CDK13: variants seen among roughly 807,000 people sequenced by gnomAD.
CDK13 encodes cyclin-dependent kinase 13.
A neutral mutation model predicts 137.6 loss-of-function variants in CDK13; 40 were observed. The ratio of observed to expected loss-of-function variants is 0.29; its 90% CI spans 0.23 to 0.38. CDK13 has a LOEUF of 0.38. Ranked by LOEUF, CDK13 falls within the 10% of genes least tolerant of loss-of-function variation. The probability of loss-of-function intolerance (pLI) is 1.00; values close to 1 mark genes in which losing one functional copy is unlikely to be tolerated. For synonymous variants in CDK13, 869 were observed against 760.1 expected (o/e 1.14, Z -2.36); for missense variants, 1,704 against 1,951.8 (o/e 0.87, Z 2.39).
intron 13 of CDK13, 145 bp from the exon 14 acceptor site, chr7:40,093,984 TA>T: frequency 1.2e-6 from 1 of 865,562 alleles, no homozygotes; most frequent in Non-Finnish European, 1.7e-6. Context: ...ATAGTACTTG[TA>T]AACTTTTTGC....
At chr7:40,038,757 A>G (rs956416311) in intron 5 of CDK13, among the ~76,000 whole-genome samples, 2 of 151,794 alleles carry the variant, frequency 1.3e-5, no homozygotes, top group Non-Finnish European at 2.9e-5. Context: ...GTGCAATGGC[A>G]TGATCTTGGC....
chr7:40,092,969 A>G lies in CDK13; in HGVS notation c.3420A>G (p.Glu1140=). The change falls in exon 13 of 14, where the codon GAA becomes GAG. Residue 1140 remains glutamate, a synonymous_variant. Coordinates refer to ENST00000181839, the MANE Select transcript of CDK13 (RefSeq NM_003718.5). ...CTGCTGGAATTTTGGCAACAGGTGA[A>G]AAACAGACAGATCCATCAACACCAC... is the stretch of plus-strand genomic sequence containing the variant. The part of the protein sequence containing the change: ...NLPAGILATG[E]KQTDPSTPQQ... The G allele has an allele frequency of 2.5e-6, 4 of 1,614,198 alleles. No homozygotes were observed. The highest frequency in any genetic ancestry group is 4.5e-5 in the East Asian group (2 of 44,892).
intron 5 of CDK13, among the ~76,000 whole-genome samples, chr7:40,041,079 T>C (rs1351669298): frequency 6.6e-6 from 1 of 152,096 alleles, no homozygotes; most frequent in Non-Finnish European, 1.5e-5. Context: ...TAATCCCAGC[T>C]CTTTGAGGGG....
chr7:40,033,175 C>T (rs1259180641), intron 5 of CDK13, among the ~76,000 whole-genome samples: 5 of 152,116 alleles, frequency 3.3e-5, no homozygotes, highest in African/African-American at 1.2e-4. Context: ...TGGCTGATCT[C>T]GAACTCTTGA....
At chr7:39,995,121 C>G (rs73127853) in intron 2 of CDK13, among the ~76,000 whole-genome samples, 1 of 151,578 alleles carries the variant, frequency 6.6e-6, no homozygotes, top group East Asian at 1.9e-4. Context: ...ATTTTTGTTG[C>G]TGGGGTGTAT....
intron 1 of CDK13, among the ~76,000 whole-genome samples, chr7:39,972,653 A>G (rs199570604): frequency 2.0e-5 from 3 of 152,212 alleles, no homozygotes; most frequent in East Asian, 3.8e-4. Flanking sequence ...ATATGGATCA[A>G]TATTCCTTTT....
chr7:39,950,702 A>T lies in CDK13; in HGVS notation c.61A>T (p.Lys21Ter). 6.9e-7 allele frequency: 1 copy of T among 1,446,110 alleles called. No homozygotes were observed. The highest frequency in any genetic ancestry group is 9.0e-7 in the Non-Finnish European group (1 of 1,105,214). The allele number at this position is 1,446,110 out of a possible 1,614,324, so 89.6% of individuals were successfully genotyped here. A position where few individuals can be genotyped will look rare whatever the true frequency, so the allele number is the denominator to read the frequency against. The change falls in exon 1 of 14, where the codon AAG becomes TAG. Residue 21 changes from lysine to a stop codon, truncating the protein, a stop_gained. Transcript: ENST00000181839. LOFTEE classifies it high-confidence loss of function. Reference protein sequence around the residue: ...GGGGLSWAEKKLEERRKRRRF... With the variant: ...GGGGLSWAEK ...CGGGGGCCTGAGCTGGGCGGAGAAGAAGTTGGAGGAACGCCGCAAGCGGAG... is the reference window on the plus strand; with the variant it reads ...CGGGGGCCTGAGCTGGGCGGAGAAGTAGTTGGAGGAACGCCGCAAGCGGAG...
chr7:40,088,292 T>G lies in CDK13; in HGVS notation c.3196T>G (p.Ser1066Ala). ...CACACCCCAGGGTGTGCTGCCATCTTCACAGCTGAAATCTCAGGGCAGCTC... is the reference window on the plus strand; with the variant it reads ...CACACCCCAGGGTGTGCTGCCATCTGCACAGCTGAAATCTCAGGGCAGCTC... ...TNTPQGVLPSSQLKSQGSSNV... is the reference protein window; with the variant it reads ...TNTPQGVLPSAQLKSQGSSNV... The change falls in exon 12 of 14, where the codon TCA becomes GCA. Residue 1066 changes from serine (S) to alanine (A), a missense_variant. Physicochemically the swap from Ser to Ala is moderately conservative, Grantham distance 99. Around this residue, in one of 5 missense-constraint regions of CDK13, gnomAD observed 475 missense variants for 579.3 expected, o/e 0.82. Coordinates refer to ENST00000181839, the MANE Select transcript of CDK13 (RefSeq NM_003718.5). 6.2e-7 allele frequency: 1 copy of G among 1,613,478 alleles called. No individual in the cohort carries two copies. Among genetic ancestry groups the G allele is most frequent in the Middle Eastern group, 1.7e-4 (1 of 6,058 alleles).
In CDK13 at chr7:40,078,704, A is replaced by C; in HGVS notation, c.2898-16A>C. ...TCTAAAGAACACATCTAACTTTTGT[A>C]ATCCTCTCATGCTAGTATTCCTGCA... On this transcript the variant is annotated splice_polypyrimidine_tract_variant and intron_variant, in intron 10 of 13. Transcript: ENST00000181839. The C allele has an allele frequency of 6.9e-7, 1 of 1,444,700 alleles. No homozygotes were observed. Among genetic ancestry groups the C allele is most frequent in the Non-Finnish European group, 9.2e-7 (1 of 1,092,002 alleles). 89.5% of individuals were successfully genotyped at this position (1,444,700 alleles called of 1,614,324 possible). A position where few individuals can be genotyped will look rare whatever the true frequency, so the allele number is the denominator to read the frequency against.
chr7:39,995,834 C>G (rs974528910), intron 2 of CDK13, among the ~76,000 whole-genome samples: 18 of 152,068 alleles, frequency 1.2e-4, no homozygotes, highest in South Asian at 4.1e-4. Context: ...ATGGTGAAAC[C>G]CCATCTCTAC....
At chr7:40,020,361 C>T (rs1335702916) in intron 5 of CDK13, among the ~76,000 whole-genome samples, 1 of 152,186 alleles carries the variant, frequency 6.6e-6, no homozygotes, top group Non-Finnish European at 1.5e-5. Flanking sequence ...AGCCGCTGCA[C>T]CCGGCCCAAA....
chr7:39,976,580 T>C (rs745570705), intron 1 of CDK13, among the ~76,000 whole-genome samples: 7 of 152,002 alleles, frequency 4.6e-5, no homozygotes, highest in Admixed American at 2.0e-4. Context: ...CAGTTTTCCA[T>C]GGGGCATATA....
At chr7:40,045,382 T>C (rs962550865) in intron 5 of CDK13, among the ~76,000 whole-genome samples, 1 of 151,910 alleles carries the variant, frequency 6.6e-6, no homozygotes. Context: ...TTAAATTACA[T>C]GTTTATTGAG....
intron 5 of CDK13, among the ~76,000 whole-genome samples, chr7:40,019,968 A>G (rs879812764): frequency 6.6e-6 from 1 of 152,182 alleles, no homozygotes; most frequent in African/African-American, 2.4e-5. Context: ...ACTTTCATGA[A>G]GTTTTTTTGT....
chr7:40,042,477 C>CTTTTTTT (rs5883713), intron 5 of CDK13, among the ~76,000 whole-genome samples: 14 of 76,096 alleles, frequency 1.8e-4, no homozygotes, highest in East Asian at 6.9e-4. Context: ...TCTTTTCTTT[C>CTTTTTTT]TTTTTTTTTT....
At position 40,095,135 on chromosome 7, in the gene CDK13, C is replaced by CA. The variant is rs369277589; in HGVS notation, c.*163dup. 4.5e-4 allele frequency: 250 copies of CA among 557,908 alleles called. 1 individual carries two copies. The highest frequency in any genetic ancestry group is 2.6e-3 in the East Asian group (76 of 29,474). 34.6% of individuals were successfully genotyped at this position (557,908 alleles called of 1,614,324 possible). On this transcript the variant is annotated 3_prime_UTR_variant, in exon 14 of 14. Coordinates refer to ENST00000181839, the MANE Select transcript of CDK13 (RefSeq NM_003718.5). Reference sequence around the variant, plus strand: ...CTTGCATACAATAGTTTAAAAAAGACAAAAAAAACCTTTGCTTAAATTCAT... The same window carrying CA: ...CTTGCATACAATAGTTTAAAAAAGACAAAAAAAAACCTTTGCTTAAATTCAT...
chr7:40,028,011 T>G (rs1785282357), intron 5 of CDK13, among the ~76,000 whole-genome samples: 1 of 151,688 alleles, frequency 6.6e-6, no homozygotes. Context: ...ACCTTGTTTT[T>G]TTTTTTTTTT....
intron 1 of CDK13, among the ~76,000 whole-genome samples, chr7:39,955,298 G>C (rs1787374555): frequency 6.6e-6 from 1 of 152,088 alleles, no homozygotes; most frequent in African/African-American, 2.4e-5. Context: ...TTGGGAAACG[G>C]GAGCTCTAAA....
chr7:40,023,520 G>T (rs1315109425), intron 5 of CDK13, among the ~76,000 whole-genome samples: 1 of 144,990 alleles, frequency 6.9e-6, no homozygotes, highest in African/African-American at 2.5e-5. Context: ...TTTTTTTTGA[G>T]ACTGAGTCTC....
Sources: allele counts gnomAD v4.1 joint callset (sites outside exome capture counted in the v4.1 genomes callset), GRCh38; gene constraint gnomAD v4.1.1; regional missense constraint gnomAD v4.1.1; transcripts MANE v1.5; gene names NCBI Gene and HGNC (gene_info 2026-07-23, HGNC 2026-07-21).